Variants in ANKIB1 observed in about 807,000 individuals in gnomAD.
ANKIB1 encodes ankyrin repeat and IBR domain containing 1.
Under a neutral mutation model 122.1 loss-of-function variants are expected in ANKIB1, and 43 were observed. That is an observed-to-expected ratio of 0.35 (90% CI 0.28 to 0.45). The LOEUF is 0.45. Ranked by LOEUF, ANKIB1 falls within the 20% of genes least tolerant of loss-of-function variation. The pLI, the probability that ANKIB1 is intolerant of heterozygous loss-of-function variation, is 1.00. For synonymous variants in ANKIB1, 390 were observed against 442.0 expected (o/e 0.88, Z 1.48); for missense variants, 992 against 1,329.5 (o/e 0.75, Z 3.95).
chr7:92,332,750 C>T (rs1403110714), intron 5 of ANKIB1, among the ~76,000 whole-genome samples: 1 of 152,152 alleles, frequency 6.6e-6, no homozygotes, highest in Non-Finnish European at 1.5e-5. Flanking sequence ...TCATTCTGTT[C>T]TCTTCCTGGG....
intron 10 of ANKIB1, among the ~76,000 whole-genome samples, chr7:92,365,952 T>TG (rs759898549): frequency 6.6e-6 from 1 of 151,636 alleles, no homozygotes; most frequent in Non-Finnish European, 1.5e-5. Context: ...CCTGCCACCA[T>TG]GCCCGGCTAA....
At chr7:92,298,929 G>A (rs757907101) in intron 2 of ANKIB1, among the ~76,000 whole-genome samples, 3 of 152,136 alleles carry the variant, frequency 2.0e-5, no homozygotes, top group African/African-American at 7.2e-5. Flanking sequence ...ACCAGAATAC[G>A]ACGATGGCTC....
intron 5 of ANKIB1, among the ~76,000 whole-genome samples, chr7:92,331,388 CT>C (rs1484378976): frequency 3.3e-5 from 5 of 152,004 alleles, no homozygotes; most frequent in African/African-American, 9.7e-5. Context: ...TTGCCTCAGC[CT>C]CCCGAGTAGC....
intron 1 of ANKIB1, among the ~76,000 whole-genome samples, chr7:92,290,322 T>C (rs1293654443): frequency 6.6e-6 from 1 of 152,054 alleles, no homozygotes; most frequent in Non-Finnish European, 1.5e-5. Flanking sequence ...GTTGTTGTTA[T>C]CAGTAATGCA....
chr7:92,293,088 T>C (rs1428658462), intron 1 of ANKIB1, among the ~76,000 whole-genome samples: 1 of 152,222 alleles, frequency 6.6e-6, no homozygotes, highest in Non-Finnish European at 1.5e-5. Context: ...CAGAATAGGC[T>C]TGGCAGACAT....
At chr7:92,306,954 AAAG>A (rs1802574685) in intron 2 of ANKIB1, among the ~76,000 whole-genome samples, 1 of 152,194 alleles carries the variant, frequency 6.6e-6, no homozygotes, top group Non-Finnish European at 1.5e-5. Context: ...CAGAGCAATA[AAAG>A]AAGAATTAAA....
At chr7:92,382,092 A>G (rs1365620751) in intron 11 of ANKIB1, among the ~76,000 whole-genome samples, 2 of 152,194 alleles carry the variant, frequency 1.3e-5, no homozygotes, top group Non-Finnish European at 2.9e-5. Context: ...AGGGGTTGCA[A>G]TCCTAGGCTC....
chr7:92,319,191 T>G, intron 3 of ANKIB1, 139 bp from the exon 4 acceptor site: 1 of 433,902 alleles, frequency 2.3e-6, no homozygotes. Context: ...CCTTTTTTTT[T>G]TGTCATTTCA....
intron 1 of ANKIB1, among the ~76,000 whole-genome samples, chr7:92,251,019 C>T (rs954964463): frequency 5.3e-5 from 8 of 152,156 alleles, no homozygotes; most frequent in African/African-American, 1.9e-4. Context: ...GAAAGTTAAT[C>T]CTTGATATTT....
At chr7:92,265,881 C>T (rs1322597370) in intron 1 of ANKIB1, among the ~76,000 whole-genome samples, 3 of 152,132 alleles carry the variant, frequency 2.0e-5, no homozygotes, top group Non-Finnish European at 4.4e-5. Context: ...GTCAAGTAGG[C>T]ACTGTTACAG....
chr7:92,372,920 T>A (rs992850745), intron 11 of ANKIB1, among the ~76,000 whole-genome samples: 2 of 152,028 alleles, frequency 1.3e-5, no homozygotes. Context: ...ATGAAGGAAA[T>A]TTAAATGGTT....
chr7:92,289,207 G>A (rs558441986), intron 1 of ANKIB1, among the ~76,000 whole-genome samples: 10 of 152,160 alleles, frequency 6.6e-5, no homozygotes, highest in African/African-American at 1.7e-4. Flanking sequence ...ATTGATTTAT[G>A]TATCAACATG....
intron 1 of ANKIB1, among the ~76,000 whole-genome samples, chr7:92,275,185 C>T (rs1316375898): frequency 6.6e-6 from 1 of 152,078 alleles, no homozygotes; most frequent in Non-Finnish European, 1.5e-5. Context: ...TGTTTCCTCT[C>T]ATTCTTTTTG....
intron 7 of ANKIB1, among the ~76,000 whole-genome samples, chr7:92,350,438 G>A (rs1262892852): frequency 6.6e-6 from 1 of 152,170 alleles, no homozygotes; most frequent in African/African-American, 2.4e-5. Flanking sequence ...ACGAGTGTAT[G>A]TATATATGTG....
At chr7:92,332,204 G>T (rs747408104) in intron 5 of ANKIB1, among the ~76,000 whole-genome samples, 4 of 152,154 alleles carry the variant, frequency 2.6e-5, no homozygotes, top group Non-Finnish European at 4.4e-5. Context: ...TGGTATCAAT[G>T]ACATTTGATA....
At chr7:92,352,827 C>T (rs1803695379) in intron 9 of ANKIB1, among the ~76,000 whole-genome samples, 185 bp downstream of exon 9, 1 of 152,164 alleles carries the variant, frequency 6.6e-6, no homozygotes. Flanking sequence ...CCAGGCACTA[C>T]ACCAGCTATT....
intron 2 of ANKIB1, among the ~76,000 whole-genome samples, chr7:92,307,079 ATCTTCCTTTTT>A (rs1802576192): frequency 6.6e-6 from 1 of 152,072 alleles, no homozygotes; most frequent in African/African-American, 2.4e-5. Context: ...TATATTTCTC[ATCTTCCTTTTT>A]TCTTCCTTTT....
intron 5 of ANKIB1, among the ~76,000 whole-genome samples, chr7:92,336,044 T>G (rs760562939): frequency 6.6e-6 from 1 of 152,112 alleles, no homozygotes; most frequent in Non-Finnish European, 1.5e-5. Context: ...GTAAGAATCT[T>G]GCAACTATGT....
Position 92,307,672 on chromosome 7 carries a change from T to C in ANKIB1, c.486+16T>C. 1 of 1,479,972 alleles carries C rather than the reference T, an allele frequency of 6.8e-7. No individual in the cohort carries two copies. The highest frequency in any genetic ancestry group is 8.9e-7 in the Non-Finnish European group (1 of 1,121,364). The allele number at this position is 1,479,972 out of a possible 1,614,324, so 91.7% of individuals were successfully genotyped here. On this transcript the variant is annotated intron_variant, in intron 3 of 19. Coordinates refer to ENST00000265742, the MANE Select transcript of ANKIB1 (RefSeq NM_019004.2). ...CTGTGTAGAGGTAAATTTTTTTTTT[T>C]TTTAATATTCTGCATTGTAAAATTT...
Sources: allele counts gnomAD v4.1 joint callset (sites outside exome capture counted in the v4.1 genomes callset), GRCh38; gene constraint gnomAD v4.1.1; transcripts MANE v1.5; gene names NCBI Gene and HGNC (gene_info 2026-07-23, HGNC 2026-07-21).